The following FGF1 variants were observed in gnomAD, a reference collection of about 807,000 sequenced individuals.
The protein encoded by FGF1 is beta-endothelial cell growth factor.
FGF1 carries 9 observed loss-of-function variants against 13.4 expected under a neutral mutation model. That is an observed-to-expected ratio of 0.67 (90% CI 0.40 to 1.17). The LOEUF (loss-of-function observed/expected upper bound fraction) is 1.17. Ranked by LOEUF, FGF1 falls within the 50% of genes most tolerant of loss-of-function variation. The pLI is 0.01. For missense variants in FGF1, 156 were observed against 192.7 expected (o/e 0.81, Z 1.13); for synonymous variants, 93 against 79.0 (o/e 1.18, Z -0.94).
At chr5:142,620,214 G>A (rs995226907) in intron 1 of FGF1, among the ~76,000 whole-genome samples, 51 of 152,178 alleles carry the variant, frequency 3.4e-4, no homozygotes, top group Middle Eastern at 3.4e-3. Flanking sequence ...TAAGGAGATC[G>A]AGACCATCCT....
intron 1 of FGF1, among the ~76,000 whole-genome samples, chr5:142,637,226 C>A (rs1597254373): frequency 6.6e-6 from 1 of 151,970 alleles, no homozygotes; most frequent in Non-Finnish European, 1.5e-5. Flanking sequence ...ACCAAAGATA[C>A]AAGGAATATA....
chr5:142,630,128 G>A (rs898988765), intron 1 of FGF1, among the ~76,000 whole-genome samples: 15 of 152,112 alleles, frequency 9.9e-5, no homozygotes, highest in Non-Finnish European at 1.6e-4. Context: ...TCCTGATCTC[G>A]TGATCTGCCC....
At chr5:142,687,075 C>T (rs1272520824), upstream of FGF1, among the ~76,000 whole-genome samples, 7 of 152,116 alleles carry the variant, frequency 4.6e-5, no homozygotes, top group East Asian at 9.6e-4. Context: ...ATTGAAGAGT[C>T]GCTCCTGCTT....
At chr5:142,629,226 GC>G (rs564216064) in intron 1 of FGF1, among the ~76,000 whole-genome samples, 27 of 152,324 alleles carry the variant, frequency 1.8e-4, no homozygotes, top group Non-Finnish European at 3.1e-4. Flanking sequence ...CACGAATACA[GC>G]TCACTGTAGC....
At chr5:142,682,611 A>C (rs1773919116) in intron 1 of FGF1, among the ~76,000 whole-genome samples, 1 of 152,174 alleles carries the variant, frequency 6.6e-6, no homozygotes, top group Non-Finnish European at 1.5e-5. Flanking sequence ...CAGCTACAGA[A>C]TCTATGTACT....
In FGF1 at chr5:142,665,366, G is replaced by A. The variant is rs150582287; in HGVS notation, c.-35+20591C>T. Among the ~76,000 whole-genome samples, 179 of 151,276 alleles carry A rather than the reference G, an allele frequency of 1.2e-3. 1 individual carries two copies. Among genetic ancestry groups the A allele is most frequent in the African/African-American group, 4.0e-3 (163 of 41,128 alleles). On this transcript the variant is annotated intron_variant, in intron 1 of 3. Coordinates refer to ENST00000337706, the MANE Select transcript of FGF1 (RefSeq NM_000800.5). The stretch of plus-strand genomic sequence containing the variant: ...TCCCCCTGTCCCACTCCCCTCCTCA[G>A]GACTTTGGCCCCTTCTGGAAACATT...
At chr5:142,680,291 AT>A (rs1220373027) in intron 1 of FGF1, among the ~76,000 whole-genome samples, 2 of 152,308 alleles carry the variant, frequency 1.3e-5, no homozygotes, top group African/African-American at 4.8e-5. Flanking sequence ...ATTGAATGAA[AT>A]AAAAATAAGG....
chr5:142,640,128 C>T (rs1764927594), intron 1 of FGF1, among the ~76,000 whole-genome samples: 1 of 151,904 alleles, frequency 6.6e-6, no homozygotes, highest in Non-Finnish European at 1.5e-5. Context: ...TTCACAAAAA[C>T]AAACCAGAGA....
intron 2 of FGF1, among the ~76,000 whole-genome samples, chr5:142,607,860 C>T (rs1207581492): frequency 6.6e-6 from 1 of 152,134 alleles, no homozygotes; most frequent in African/African-American, 2.4e-5. Flanking sequence ...TAAAGGGGAG[C>T]CCAGAGCTTT....
chr5:142,626,682 G>T (rs1008875075), intron 1 of FGF1: 2 of 152,204 alleles, frequency 1.3e-5, no homozygotes, highest in South Asian at 4.1e-4. Flanking sequence ...CTTCACCGGG[G>T]TGCAGCGTCC....
At chr5:142,683,477 A>G (rs756839186) in intron 1 of FGF1, among the ~76,000 whole-genome samples, 3 of 152,184 alleles carry the variant, frequency 2.0e-5, no homozygotes, top group Non-Finnish European at 4.4e-5. Flanking sequence ...TTTTGAGAAC[A>G]AATGCATTCC....
chr5:142,601,087 C>A (rs1484302586), intron 2 of FGF1: 1 of 578,462 alleles, frequency 1.7e-6, no homozygotes, highest in Non-Finnish European at 3.3e-6. Context: ...CCTGAGTGCA[C>A]CTTCACGGTG....
At chr5:142,651,233 G>T (rs1053588065) in intron 1 of FGF1, among the ~76,000 whole-genome samples, 1 of 152,088 alleles carries the variant, frequency 6.6e-6, no homozygotes, top group Non-Finnish European at 1.5e-5. Context: ...AACCCACCAC[G>T]ACTTGCCTAG....
chr5:142,694,309 A>G (rs923788968), intron 2 of FGF1, among the ~76,000 whole-genome samples: 1 of 152,110 alleles, frequency 6.6e-6, no homozygotes, highest in African/African-American at 2.4e-5. Flanking sequence ...CAGTTGTGCT[A>G]TCAATGGAAG....
chr5:142,597,576 T>A (rs1196743886), intron 3 of FGF1, among the ~76,000 whole-genome samples: 2 of 152,246 alleles, frequency 1.3e-5, no homozygotes, highest in East Asian at 1.9e-4. Context: ...AGAATATATT[T>A]ATTACATTTG....
chr5:142,613,997 C>T lies in FGF1; in HGVS notation c.131G>A (p.Gly44Asp), dbSNP rs760222333. Residue 44 changes from glycine to aspartate, a missense_variant, in exon 2 of 4, where the codon GGC (glycine) becomes GAC (aspartate). By Grantham distance (94) the Gly-to-Asp change is moderately conservative (BLOSUM62 -1). Transcript: ENST00000337706. ...GGHFLRILPD[G>D]TVDGTRDRSD... Reference sequence around the variant, plus strand: ...CCTGTCCCTTGTCCCATCCACTGTGCCATCCGGAAGGATCCTCAGGAAGTG... The same window carrying T: ...CCTGTCCCTTGTCCCATCCACTGTGTCATCCGGAAGGATCCTCAGGAAGTG... 1.9e-6 allele frequency: 3 copies of T among 1,614,086 alleles called. No individual in the cohort carries two copies. The highest frequency in any genetic ancestry group is 3.3e-5 in the Admixed American group (2 of 60,022).
chr5:142,675,033 T>C (rs1273816586), intron 1 of FGF1, among the ~76,000 whole-genome samples: 1 of 152,100 alleles, frequency 6.6e-6, no homozygotes, highest in African/African-American at 2.4e-5. Flanking sequence ...AGGCTTGGCT[T>C]GGTTCAGGGG....
chr5:142,621,012 G>A (rs1688987219), intron 1 of FGF1, among the ~76,000 whole-genome samples: 1 of 152,138 alleles, frequency 6.6e-6, no homozygotes, highest in African/African-American at 2.4e-5. Context: ...TGTTGCCTTA[G>A]CACAGACCCA....
At chr5:142,683,534 T>G (rs1379711612) in intron 1 of FGF1, among the ~76,000 whole-genome samples, 3 of 151,988 alleles carry the variant, frequency 2.0e-5, no homozygotes, top group East Asian at 1.9e-4. Flanking sequence ...ATATAGTAAT[T>G]AAGAAAATTA....
Sources: gnomAD v4.1 joint callset for allele counts (sites outside exome capture counted in the v4.1 genomes callset) on GRCh38, gnomAD v4.1.1 for gene constraint, MANE v1.5 for transcripts, NCBI Gene and HGNC (gene_info 2026-07-23, HGNC 2026-07-21) for gene names.